CD58: variants seen among roughly 807,000 people sequenced by gnomAD.
CD58 encodes the protein lymphocyte function-associated antigen 3.
Under a neutral mutation model 27.6 loss-of-function variants are expected in CD58, and 14 were observed. That is an observed-to-expected ratio of 0.51 (90% CI 0.34 to 0.79). CD58 has a LOEUF of 0.79. CD58 is among the 30% of genes least tolerant of loss of function. The pLI is 0.02. For missense variants in CD58, 268 were observed against 301.7 expected (o/e 0.89, Z 0.83); for synonymous variants, 117 against 103.8 (o/e 1.13, Z -0.77).
chr1:116,568,741 T>A (rs555167624), intron 1 of CD58, among the ~76,000 whole-genome samples: 1 of 152,370 alleles, frequency 6.6e-6, no homozygotes, highest in South Asian at 2.1e-4. Context: ...CTTTCCCTCA[T>A]GTGAGTGGTA....
chr1:116,558,539 C>T (rs1658656821), intron 1 of CD58, among the ~76,000 whole-genome samples: 1 of 152,184 alleles, frequency 6.6e-6, no homozygotes, highest in South Asian at 2.1e-4. Context: ...AATGTCTAGG[C>T]TAGTAATTGT....
chr1:116,561,920 C>T (rs1433038820), intron 1 of CD58, among the ~76,000 whole-genome samples: 4 of 152,186 alleles, frequency 2.6e-5, no homozygotes, highest in Non-Finnish European at 5.9e-5. Flanking sequence ...CAGGTACTTA[C>T]CTCCTAGTGG....
chr1:116,551,759 G>C (rs1390063013), intron 1 of CD58, among the ~76,000 whole-genome samples: 6 of 121,212 alleles, frequency 4.9e-5, no homozygotes, highest in South Asian at 5.4e-4. Flanking sequence ...TTTTTCTTCA[G>C]ACAGAGTTTC....
At chr1:116,553,126 T>C (rs1370508484) in intron 1 of CD58, among the ~76,000 whole-genome samples, 2 of 152,084 alleles carry the variant, frequency 1.3e-5, no homozygotes, top group African/African-American at 4.8e-5. Context: ...TTCTGAGAAA[T>C]GTCTTTTCAC....
chr1:116,526,922 T>C (rs988679845), intron 3 of CD58, among the ~76,000 whole-genome samples: 1 of 152,250 alleles, frequency 6.6e-6, no homozygotes, highest in Non-Finnish European at 1.5e-5. Context: ...TACCTAAGTA[T>C]TGCATTTTTG....
chr1:116,547,843 G>C (rs1237439499), intron 1 of CD58, among the ~76,000 whole-genome samples: 1 of 152,094 alleles, frequency 6.6e-6, no homozygotes, highest in East Asian at 1.9e-4. Context: ...GGGATTGCTG[G>C]ATCAAATGGT....
intron 3 of CD58, among the ~76,000 whole-genome samples, chr1:116,530,039 A>C (rs1657546515): frequency 6.6e-6 from 1 of 152,196 alleles, no homozygotes; most frequent in African/African-American, 2.4e-5. Context: ...CATTCATATG[A>C]ATAAATCAAA....
intron 1 of CD58, among the ~76,000 whole-genome samples, chr1:116,562,852 C>A (rs1658801959): frequency 1.3e-5 from 2 of 152,136 alleles, no homozygotes; most frequent in Non-Finnish European, 2.9e-5. Flanking sequence ...GGGGACACAG[C>A]CAAACCATAT....
intron 1 of CD58, among the ~76,000 whole-genome samples, chr1:116,566,614 G>A (rs139613283): frequency 8.5e-5 from 13 of 152,154 alleles, no homozygotes; most frequent in South Asian, 4.1e-4. Flanking sequence ...GTAAGGAAGT[G>A]TTTAAAATCA....
rs897693871 is a variant in CD58 at position 116,521,483 on chromosome 1, C to T, written c.706+423G>A. Among the ~76,000 whole-genome samples, 1 of 152,148 alleles carries T rather than the reference C, an allele frequency of 6.6e-6. No individual in the cohort carries two copies. The highest frequency in any genetic ancestry group is 6.5e-5 in the Admixed American group (1 of 15,278). On this transcript the variant is annotated intron_variant, in intron 4 of 5. Transcript: ENST00000369489. The surrounding 1 kb of genome is among the most constrained non-coding windows in gnomAD (Gnocchi z 5.6). ...AATACAAGCACAATTACTTGTATTA[C>T]GTAAGTCACTTAACTCAACCAAAAC...
At position 116,514,826 on chromosome 1, in the gene CD58, C is replaced by A; in HGVS notation, c.744-4G>T. 4 of 1,534,770 alleles carry A rather than the reference C, an allele frequency of 2.6e-6. No homozygotes were observed. Among genetic ancestry groups the A allele is most frequent in the Non-Finnish European group, 1.8e-6 (2 of 1,117,700 alleles). ...TTCTGTTACCAATCAATTGGAGCTA[C>A]AAAAAAAAATCATATTATTAACTTG... On this transcript the variant is annotated splice_region_variant and splice_polypyrimidine_tract_variant and intron_variant, in intron 5 of 5. Coordinates refer to ENST00000369489, the MANE Select transcript of CD58 (RefSeq NM_001779.3).
At chr1:116,540,968 C>T (rs1033365127) in intron 2 of CD58, among the ~76,000 whole-genome samples, 1 of 152,030 alleles carries the variant, frequency 6.6e-6, no homozygotes, top group Admixed American at 6.6e-5. Context: ...CACCACCATG[C>T]CTGGTTAATT....
chr1:116,567,507 A>G (rs1222062881), intron 1 of CD58, among the ~76,000 whole-genome samples: 1 of 152,138 alleles, frequency 6.6e-6, no homozygotes, highest in African/African-American at 2.4e-5. Context: ...GCATGGTGGC[A>G]TGCACCTGTA....
At position 116,519,342 on chromosome 1, in the gene CD58, A is replaced by G. The variant is rs2101152793; in HGVS notation, c.707-75T>C. 4.5e-6 allele frequency: 6 copies of G among 1,344,318 alleles called. No homozygotes were observed. The highest frequency in any genetic ancestry group is 2.2e-4 in the Middle Eastern group (1 of 4,454). The allele number at this position is 1,344,318 out of a possible 1,614,324, so 83.3% of individuals were successfully genotyped here. On this transcript the variant is annotated intron_variant, in intron 4 of 5. Coordinates refer to ENST00000369489, the MANE Select transcript of CD58 (RefSeq NM_001779.3). This position sits in a 1 kb window ranked among gnomAD's most constrained non-coding sequence, Gnocchi z 4.7. The stretch of plus-strand genomic sequence containing the variant: ...TGAAATGTGGAGTTACTGACTGCCT[A>G]TTAGAGGCCTAAATATGGAAAACTA...
intron 3 of CD58, among the ~76,000 whole-genome samples, chr1:116,530,097 T>C (rs1157347237): frequency 6.6e-6 from 1 of 152,166 alleles, no homozygotes; most frequent in Non-Finnish European, 1.5e-5. Flanking sequence ...AGAGTCAGGA[T>C]GGTATCATAC....
At position 116,545,692 on chromosome 1, in the gene CD58, C is replaced by A. The variant is rs945562468; in HGVS notation, c.71-1088G>T. 9.2e-5 allele frequency among the ~76,000 whole-genome samples: 14 copies of A among 152,258 alleles called. No individual in the cohort carries two copies. In the East Asian group the frequency reaches 1.7e-3, roughly 19 times the overall value. ...GCCAGGTCCACCTGCCCTCATGAGC[C>A]AATTGTTAGCATCTCTGCCCAGCCC... On this transcript the variant is annotated intron_variant, in intron 1 of 5. Transcript: ENST00000369489.
In CD58 at chr1:116,534,387, T is replaced by C. The variant is rs1657719236; in HGVS notation, c.628+1578A>G. ...ATCTAATAAAGAGGTCCTGGACGTC[T>C]CCACCTTAAAAACGGGAAGCCTGAA... On this transcript the variant is annotated intron_variant, in intron 3 of 5. Transcript: ENST00000369489. The surrounding 1 kb of genome is among the most constrained non-coding windows in gnomAD (Gnocchi z 5.3). 6.6e-6 allele frequency among the ~76,000 whole-genome samples: 1 copy of C among 152,236 alleles called. No individual in the cohort carries two copies. The highest frequency in any genetic ancestry group is 6.5e-5 in the Admixed American group (1 of 15,286).
At chr1:116,542,108 A>T (rs1009435756) in intron 2 of CD58, among the ~76,000 whole-genome samples, 9 of 152,166 alleles carry the variant, frequency 5.9e-5, no homozygotes, top group Non-Finnish European at 1.2e-4. Flanking sequence ...GTGAAACCCC[A>T]TCTCTACTAA....
Position 116,519,127 on chromosome 1 carries a change from A to G in CD58, c.743+104T>C, listed in dbSNP as rs1657185244. 1.9e-6 allele frequency: 3 copies of G among 1,565,572 alleles called. No homozygotes were observed. The highest frequency in any genetic ancestry group is 2.6e-6 in the Non-Finnish European group (3 of 1,153,076). On this transcript the variant is annotated intron_variant, in intron 5 of 5. Transcript: ENST00000369489. This position sits in a 1 kb window ranked among gnomAD's most constrained non-coding sequence, Gnocchi z 4.7. ...CTGATGTTACTTCTTATTACTGTACAAGGCAACCAACAGATGAGTACAATC... is the reference window on the plus strand; with the variant it reads ...CTGATGTTACTTCTTATTACTGTACGAGGCAACCAACAGATGAGTACAATC...
Sources: gnomAD v4.1 joint callset for allele counts (sites outside exome capture counted in the v4.1 genomes callset) on GRCh38, gnomAD v4.1.1 for gene constraint, Gnocchi (gnomAD v3.1) non-coding constraint, MANE v1.5 for transcripts, NCBI Gene and HGNC (gene_info 2026-07-23, HGNC 2026-07-21) for gene names.